The following XYLB variants were observed in gnomAD, a reference collection of about 807,000 sequenced individuals.
XYLB encodes the protein xylulose kinase.
A neutral mutation model predicts 78.7 loss-of-function variants in XYLB; 62 were observed. The observed-to-expected ratio is 0.79, with a 90% confidence interval of 0.64 to 0.97. The LOEUF (loss-of-function observed/expected upper bound fraction) is 0.97, where lower values mean the gene tolerates loss of function less well. Ranked by LOEUF, XYLB falls within the 50% of genes least tolerant of loss-of-function variation. XYLB has a pLI of 0.00. For synonymous variants in XYLB, 245 were observed against 247.4 expected (o/e 0.99, Z 0.09); for missense variants, 687 against 676.8 (o/e 1.02, Z -0.17).
intron 17 of XYLB, among the ~76,000 whole-genome samples, chr3:38,398,265 C>T (rs1009141392): frequency 8.6e-5 from 13 of 151,456 alleles, no homozygotes; most frequent in East Asian, 8.0e-4. Flanking sequence ...GTCAGGAGTT[C>T]GAGACCAGCC....
At chr3:38,382,407 T>C (rs557250560) in intron 15 of XYLB, among the ~76,000 whole-genome samples, 1 of 152,356 alleles carries the variant, frequency 6.6e-6, no homozygotes, top group East Asian at 1.9e-4. Context: ...GTGCTGTCAA[T>C]GTTCTGTTTC....
chr3:38,380,315 A>G (rs1707086776), intron 15 of XYLB, among the ~76,000 whole-genome samples: 1 of 152,196 alleles, frequency 6.6e-6, no homozygotes, highest in Non-Finnish European at 1.5e-5. Context: ...ATTTCTGACA[A>G]CTTGAGCTGT....
At chr3:38,430,688 G>A in the XYLB span, among the ~76,000 whole-genome samples, 1 of 152,154 alleles carries the variant, frequency 6.6e-6, no homozygotes, top group Non-Finnish European at 1.5e-5. Flanking sequence ...ATGGTTTTAG[G>A]TCTAACGTTT....
At chr3:38,420,222 C>T (rs1210422904) in exon 18 of XYLB, among the ~76,000 whole-genome samples, 2 of 152,200 alleles carry the variant, frequency 1.3e-5, no homozygotes. Flanking sequence ...GGTTTCTATC[C>T]ATCATGTCAT....
chr3:38,366,814 A>C lies in XYLB; in HGVS notation c.514A>C (p.Thr172Pro). The stretch of plus-strand genomic sequence containing the variant: ...ATTTATATTCCTTTTCCAGCGTTTT[A>C]CAGGGAACCAAATTGCAAAAATTTA... Reference protein sequence around the residue: ...LTGSRAYERFTGNQIAKIYQQ... With the variant: ...LTGSRAYERFPGNQIAKIYQQ... The change falls in exon 7 of 19, where the codon ACA becomes CCA. Residue 172 changes from threonine to proline, a missense_variant. Coordinates refer to ENST00000207870, the MANE Select transcript of XYLB (RefSeq NM_005108.4). 1 of 1,611,932 alleles carries C rather than the reference A, an allele frequency of 6.2e-7. No individual in the cohort carries two copies. Among genetic ancestry groups the C allele is most frequent in the Non-Finnish European group, 8.5e-7 (1 of 1,178,014 alleles).
intron 2 of XYLB, among the ~76,000 whole-genome samples, chr3:38,354,219 G>A (rs957658533): frequency 5.9e-5 from 9 of 151,460 alleles, no homozygotes; most frequent in African/African-American, 9.7e-5. Context: ...GATTACAGGC[G>A]CCCGCCACTG....
At chr3:38,352,967 G>A (rs759816716) in intron 2 of XYLB, among the ~76,000 whole-genome samples, 6 of 152,190 alleles carry the variant, frequency 3.9e-5, no homozygotes, top group Admixed American at 1.3e-4. Flanking sequence ...TCCCAACCTC[G>A]TGATCTGCCT....
At chr3:38,382,467 T>C (rs1436812573) in intron 15 of XYLB, among the ~76,000 whole-genome samples, 1 of 152,232 alleles carries the variant, frequency 6.6e-6, no homozygotes, top group Non-Finnish European at 1.5e-5. Flanking sequence ...CATTATAGGC[T>C]TATGATGTGT....
downstream of XYLB, among the ~76,000 whole-genome samples, chr3:38,417,724 AC>A (rs1198115645): frequency 3.3e-5 from 5 of 151,938 alleles, no homozygotes; most frequent in African/African-American, 1.2e-4. Context: ...TACTAAAAAT[AC>A]AAAAATTAGC....
In XYLB at chr3:38,396,990, G is replaced by C. The variant is rs1465767937; in HGVS notation, c.1351-82G>C. On this transcript the variant is annotated intron_variant, in intron 16 of 18. Coordinates refer to ENST00000207870, the MANE Select transcript of XYLB (RefSeq NM_005108.4). Reference sequence around the variant, plus strand: ...GGGGTCAGAAGACATATGAGGGAGAGAGCCTGGAAAGTGCATCCCACAATG... The same window carrying C: ...GGGGTCAGAAGACATATGAGGGAGACAGCCTGGAAAGTGCATCCCACAATG... 8.7e-6 allele frequency: 12 copies of C among 1,384,784 alleles called. No individual in the cohort carries two copies. In the Admixed American group the frequency reaches 2.0e-4, roughly 23 times the overall value. 85.8% of individuals were successfully genotyped at this position (1,384,784 alleles called of 1,614,324 possible). A position where few individuals can be genotyped will look rare whatever the true frequency, so the allele number is the denominator to read the frequency against.
chr3:38,444,254 C>T, the XYLB span, among the ~76,000 whole-genome samples: 1 of 152,144 alleles, frequency 6.6e-6, no homozygotes, highest in Non-Finnish European at 1.5e-5. Flanking sequence ...GGGACATGTA[C>T]CTGGATTGGG....
In XYLB at chr3:38,372,574, G is replaced by A. The variant is rs552039393; in HGVS notation, c.766-81G>A. 1,266 of 1,606,864 alleles carry A rather than the reference G, an allele frequency of 7.9e-4. 2 individuals are homozygous for A. The highest frequency in any genetic ancestry group is 2.3e-3 in the Middle Eastern group (14 of 6,036). ...GTGACCTGGAGACTGTAGCGTTTTCGTGGCCTGAAGGGTGGGTGGCTGTGC... is the reference window on the plus strand; with the variant it reads ...GTGACCTGGAGACTGTAGCGTTTTCATGGCCTGAAGGGTGGGTGGCTGTGC... On this transcript the variant is annotated intron_variant, in intron 9 of 18. Coordinates refer to ENST00000207870, the MANE Select transcript of XYLB (RefSeq NM_005108.4).
rs1467295613 is a variant in XYLB at position 38,397,138 on chromosome 3, TC to T, written c.1418del (p.Ser473LeufsTer21). 2 of 1,614,158 alleles carry T rather than the reference TC, an allele frequency of 1.2e-6. No homozygotes were observed. Among genetic ancestry groups the T allele is most frequent in the Middle Eastern group, 1.6e-4 (1 of 6,062 alleles). On this transcript the variant is annotated frameshift_variant, in exon 17 of 19. Transcript: ENST00000207870. LOFTEE classifies it high-confidence loss of function. ...CACTGCCAACTCGGCCTGTGTGGGT[TC>T]TGCATACCGAGCTTTTCATGGTAGG... is the stretch of plus-strand genomic sequence containing the variant. Reference protein sequence around the residue: ...IDTANSACVGSAYRAFHGLAG... With the variant: ...IDTANSACVGXAYRAFHGLAG...
At chr3:38,350,729 C>T (rs1705310578) in intron 2 of XYLB, among the ~76,000 whole-genome samples, 1 of 151,976 alleles carries the variant, frequency 6.6e-6, no homozygotes, top group African/African-American at 2.4e-5. Flanking sequence ...AACACAAATG[C>T]TTTTTATGGG....
rs143294210 is a variant in XYLB at position 38,412,824 on chromosome 3, A to G, written c.1534-112A>G. On this transcript the variant is annotated intron_variant, in intron 18 of 18. Coordinates refer to ENST00000207870, the MANE Select transcript of XYLB (RefSeq NM_005108.4). ...AATTGATGCTTTCTTTCGCCCAGAA[A>G]AAAAGTTAAATTGCAAGTAAACGGG... 1.2e-3 allele frequency: 1,048 copies of G among 909,796 alleles called. 3 individuals are homozygous for G. The African/African-American group carries it at 0.015, about 13-fold the overall frequency. 56.4% of individuals were successfully genotyped at this position (909,796 alleles called of 1,614,324 possible). A position where few individuals can be genotyped will look rare whatever the true frequency, so the allele number is the denominator to read the frequency against.
intron 18 of XYLB, among the ~76,000 whole-genome samples, chr3:38,405,137 C>T (rs1708260105): frequency 6.6e-6 from 1 of 152,096 alleles, no homozygotes; most frequent in Admixed American, 6.6e-5. Context: ...TAATGCAGCA[C>T]ATTGTATATA....
chr3:38,366,922 C>A, intron 7 of XYLB, 49 bp downstream of exon 7: 1 of 1,306,336 alleles, frequency 7.7e-7, no homozygotes, highest in South Asian at 1.2e-5. Context: ...GAATTCTTTT[C>A]ATAATATGTT....
intron 18 of XYLB, among the ~76,000 whole-genome samples, chr3:38,408,700 G>A (rs1224432653): frequency 6.7e-6 from 1 of 149,864 alleles, no homozygotes; most frequent in East Asian, 2.0e-4. Flanking sequence ...ATGATAAAGG[G>A]GATATCACCA....
chr3:38,389,567 CG>C (rs1707559494), intron 15 of XYLB, among the ~76,000 whole-genome samples: 1 of 149,966 alleles, frequency 6.7e-6, no homozygotes, highest in Admixed American at 6.6e-5. Context: ...GGCGGCTGGC[CG>C]GGCGGGGGCT....
Sources: gnomAD v4.1 joint callset for allele counts (sites outside exome capture counted in the v4.1 genomes callset) on GRCh38, gnomAD v4.1.1 for gene constraint, MANE v1.5 for transcripts, NCBI Gene and HGNC (gene_info 2026-07-23, HGNC 2026-07-21) for gene names.